Variants in ATP10B observed in about 807,000 individuals in gnomAD.
ATP10B encodes the protein phospholipid-transporting ATPase VB.
A neutral mutation model predicts 141.2 loss-of-function variants in ATP10B; 122 were observed. The ratio of observed to expected loss-of-function variants is 0.86; its 90% CI spans 0.75 to 1.00. ATP10B has a LOEUF of 1.00. Among genes scored for constraint, ATP10B ranks in the 50% least tolerant of loss-of-function variants. The pLI, the probability that ATP10B is intolerant of heterozygous loss-of-function variation, is 0.00. For missense variants in ATP10B, 1,876 were observed against 1,825.3 expected (o/e 1.03, Z -0.51); for synonymous variants, 685 against 692.0 (o/e 0.99, Z 0.16).
intron 1 of ATP10B, among the ~76,000 whole-genome samples, chr5:160,796,457 C>A (rs1056919923): frequency 6.6e-6 from 1 of 152,194 alleles, no homozygotes; most frequent in East Asian, 1.9e-4. Context: ...CTGTGCTAAG[C>A]ACTTTCTTTG....
intron 2 of ATP10B, among the ~76,000 whole-genome samples, chr5:160,728,524 G>A (rs1766521322): frequency 6.6e-6 from 1 of 152,138 alleles, no homozygotes; most frequent in South Asian, 2.1e-4. Flanking sequence ...ATGGCTCCAT[G>A]GGAAGAGGAA....
chr5:160,678,574 C>T (rs886874580), intron 6 of ATP10B, among the ~76,000 whole-genome samples: 1 of 152,076 alleles, frequency 6.6e-6, no homozygotes, highest in Admixed American at 6.6e-5. Context: ...CAGGAGAATC[C>T]CCAGCCCGGG....
intron 24 of ATP10B, among the ~76,000 whole-genome samples, chr5:160,571,931 T>A (rs916182683): frequency 6.6e-6 from 1 of 152,174 alleles, no homozygotes; most frequent in Non-Finnish European, 1.5e-5. Context: ...TTGGGTGTAC[T>A]TCTGAGTATA....
In ATP10B at chr5:160,579,509, C is replaced by T. The variant is rs75072419; in HGVS notation, c.3751-9826G>A. On this transcript the variant is annotated intron_variant, in intron 24 of 25. Coordinates refer to ENST00000327245, the MANE Select transcript of ATP10B (RefSeq NM_025153.3). ...TGATGTGATTTCTGAGGCCTCTGTT[C>T]TGTTCTGTTGGTTTATATATCTGTT... 5.4e-3 allele frequency among the ~76,000 whole-genome samples: 827 copies of T among 152,226 alleles called. 5 individuals carry two copies. The highest frequency in any genetic ancestry group is 9.3e-3 in the Non-Finnish European group (631 of 68,006).
At chr5:160,797,607 G>A (rs1393086328) in intron 1 of ATP10B, among the ~76,000 whole-genome samples, 1 of 152,108 alleles carries the variant, frequency 6.6e-6, no homozygotes, top group African/African-American at 2.4e-5. Context: ...AAATCTTTTT[G>A]TTTTACTAAA....
At chr5:160,591,711 G>A (rs1349213427) in intron 22 of ATP10B, among the ~76,000 whole-genome samples, 1 of 152,168 alleles carries the variant, frequency 6.6e-6, no homozygotes, top group Non-Finnish European at 1.5e-5. Flanking sequence ...CCTTCCCCAG[G>A]AAAAGTGAAA....
the ATP10B span, among the ~76,000 whole-genome samples, chr5:160,881,588 G>A: frequency 6.6e-6 from 1 of 152,228 alleles, no homozygotes; most frequent in South Asian, 2.1e-4. Flanking sequence ...CGAGGCGGGT[G>A]GATCACGAGG....
chr5:160,794,738 C>T (rs1771820405), intron 1 of ATP10B, among the ~76,000 whole-genome samples: 1 of 152,230 alleles, frequency 6.6e-6, no homozygotes, highest in Non-Finnish European at 1.5e-5. Context: ...TCTCCAGCCT[C>T]TTTGCCCAAT....
chr5:160,614,912 G>C (rs953482677), intron 17 of ATP10B, among the ~76,000 whole-genome samples: 1 of 152,140 alleles, frequency 6.6e-6, no homozygotes, highest in South Asian at 2.1e-4. Flanking sequence ...AGTGCATGCT[G>C]TTTGGGCATT....
chr5:160,566,985 C>T (rs1754585343), intron 25 of ATP10B, among the ~76,000 whole-genome samples: 1 of 152,182 alleles, frequency 6.6e-6, no homozygotes, highest in South Asian at 2.1e-4. Context: ...CTGAAAATTA[C>T]AGTGGATCTC....
chr5:160,643,025 G>A (rs1374909607), intron 9 of ATP10B, among the ~76,000 whole-genome samples: 2 of 58,350 alleles, frequency 3.4e-5, no homozygotes, highest in African/African-American at 4.3e-5. Flanking sequence ...TTGGTACAGT[G>A]GAGATTGCTG....
the ATP10B span, among the ~76,000 whole-genome samples, chr5:160,886,595 A>C: frequency 5.9e-5 from 9 of 152,206 alleles, no homozygotes; most frequent in African/African-American, 2.2e-4. Context: ...TGGAGTGATG[A>C]CACTATCAAG....
Position 160,653,431 on chromosome 5 carries a change from T to C in ATP10B, c.676-4175A>G, listed in dbSNP as rs28971478. Reference sequence around the variant, plus strand: ...CATACATAGGTAGTATATATACATATGTACATACATACATAGGTAGTATAT... The same window carrying C: ...CATACATAGGTAGTATATATACATACGTACATACATACATAGGTAGTATAT... On this transcript the variant is annotated intron_variant, in intron 7 of 25. Transcript: ENST00000327245. 4.8e-3 allele frequency among the ~76,000 whole-genome samples: 29 copies of C among 6,094 alleles called. 2 individuals carry two copies. Among genetic ancestry groups the C allele is most frequent in the South Asian group, 0.013 (2 of 156 alleles). 4.0% of individuals were successfully genotyped at this position (6,094 alleles called of 152,430 possible). A position where few individuals can be genotyped will look rare whatever the true frequency, so the allele number is the denominator to read the frequency against.
the ATP10B span, among the ~76,000 whole-genome samples, chr5:160,861,175 CTT>C: frequency 2.6e-5 from 4 of 151,776 alleles, no homozygotes; most frequent in African/African-American, 9.7e-5. Context: ...ATGATTTTGA[CTT>C]TGCCATGACC....
At chr5:160,698,843 T>G (rs1324422464) in intron 3 of ATP10B, among the ~76,000 whole-genome samples, 1 of 152,156 alleles carries the variant, frequency 6.6e-6, no homozygotes, top group Non-Finnish European at 1.5e-5. Flanking sequence ...AAATAGCCAA[T>G]TAGTGAATTA....
At chr5:160,910,472 C>T in the ATP10B span, among the ~76,000 whole-genome samples, 5 of 152,024 alleles carry the variant, frequency 3.3e-5, no homozygotes, top group African/African-American at 9.7e-5. Context: ...AAGTCTGGCC[C>T]GTAGTATGTG....
intron 5 of ATP10B, chr5:160,686,839 G>C (rs1202878749): frequency 3.6e-6 from 2 of 555,568 alleles, no homozygotes; most frequent in African/African-American, 4.1e-5. Flanking sequence ...GAGCATAGCA[G>C]TTGCTCAGTA....
At chr5:160,812,061 G>A (rs10073491) in intron 1 of ATP10B, among the ~76,000 whole-genome samples, 1,337 of 113,758 alleles carry the variant, frequency 0.012, 10 homozygotes, top group Non-Finnish European at 0.016. Flanking sequence ...AGAGAGAGAG[G>A]GAGAGGGAGA....
chr5:160,762,647 T>C (rs35010409), intron 2 of ATP10B, among the ~76,000 whole-genome samples: 47,689 of 151,008 alleles, frequency 0.32, 7,827 homozygotes, highest in Non-Finnish European at 0.36. Context: ...AACAATGACA[T>C]AATGAAAAAA....
Sources: allele counts gnomAD v4.1 joint callset (sites outside exome capture counted in the v4.1 genomes callset), GRCh38; gene constraint gnomAD v4.1.1; transcripts MANE v1.5; gene names NCBI Gene and HGNC (gene_info 2026-07-23, HGNC 2026-07-21).